RUNX1T1: variants seen among roughly 807,000 people sequenced by gnomAD.
The protein encoded by RUNX1T1 is RUNX1 partner transcriptional co-repressor 1.
RUNX1T1 carries 4 observed loss-of-function variants against 62.8 expected under a neutral mutation model. The observed-to-expected ratio is 0.06, with a 90% confidence interval of 0.03 to 0.15. The LOEUF is 0.15. Among genes scored for constraint, RUNX1T1 ranks in the 10% least tolerant of loss-of-function variants. The pLI, the probability that RUNX1T1 is intolerant of heterozygous loss-of-function variation, is 1.00. For synonymous variants in RUNX1T1, 291 were observed against 286.0 expected (o/e 1.02, Z -0.18); for missense variants, 508 against 754.3 (o/e 0.67, Z 3.82).
intron 2 of RUNX1T1, among the ~76,000 whole-genome samples, chr8:92,073,596 A>AT (rs1226107311): frequency 2.6e-5 from 4 of 152,126 alleles, no homozygotes; most frequent in Non-Finnish European, 5.9e-5. Context: ...AAAGTATGTG[A>AT]TTTCTGTTTT....
intron 1 of RUNX1T1, among the ~76,000 whole-genome samples, chr8:92,099,124 C>T (rs987691406): frequency 6.6e-6 from 1 of 152,094 alleles, no homozygotes; most frequent in South Asian, 2.1e-4. Flanking sequence ...TAAATAGAGT[C>T]AAATTTGATT....
chr8:92,032,068 G>A (rs1404974895), intron 1 of RUNX1T1, among the ~76,000 whole-genome samples: 1 of 145,402 alleles, frequency 6.9e-6, no homozygotes, highest in Non-Finnish European at 1.5e-5. Context: ...ACTCCAGCCT[G>A]GGCGGCAGAG....
intron 8 of RUNX1T1, 99 bp from the exon 10 acceptor site, chr8:91,976,072 G>A: frequency 1.2e-6 from 1 of 814,230 alleles, no homozygotes. Context: ...CCATTCTCCT[G>A]GCTTCTCTAC....
intron 2 of RUNX1T1, among the ~76,000 whole-genome samples, chr8:92,015,545 C>T (rs975038813): frequency 3.9e-5 from 6 of 151,996 alleles, no homozygotes; most frequent in Admixed American, 6.5e-5. Context: ...AACATCAAGA[C>T]GATAATCCCT....
upstream of RUNX1T1, among the ~76,000 whole-genome samples, chr8:92,063,295 T>C (rs1203129984): frequency 6.6e-6 from 1 of 152,132 alleles, no homozygotes; most frequent in Non-Finnish European, 1.5e-5. Context: ...GCCGACCACT[T>C]TTATTTTACT....
chr8:92,034,723 TAC>T (rs1392860152), intron 1 of RUNX1T1, among the ~76,000 whole-genome samples: 2 of 150,746 alleles, frequency 1.3e-5, no homozygotes, highest in African/African-American at 4.9e-5. Flanking sequence ...CACATATATA[TAC>T]ACACGTATAC....
At chr8:92,065,502 A>C (rs1412730670), upstream of RUNX1T1, among the ~76,000 whole-genome samples, 2 of 152,224 alleles carry the variant, frequency 1.3e-5, no homozygotes, top group African/African-American at 4.8e-5. Context: ...GAGTCATCTA[A>C]ATCAACACTT....
At chr8:92,095,301 C>T (rs906863153) in intron 1 of RUNX1T1, 2 of 1,522,848 alleles carry the variant, frequency 1.3e-6, no homozygotes, top group East Asian at 2.5e-5. Flanking sequence ...CCTGGCCACC[C>T]CTCCTTCCTC....
intron 1 of RUNX1T1, among the ~76,000 whole-genome samples, chr8:92,042,803 C>G (rs1003419137): frequency 6.6e-6 from 1 of 152,220 alleles, no homozygotes; most frequent in Non-Finnish European, 1.5e-5. Flanking sequence ...ATGATACACG[C>G]ACACACAAAG....
intron 1 of RUNX1T1, among the ~76,000 whole-genome samples, chr8:92,023,244 T>A (rs1349171099): frequency 6.6e-6 from 1 of 152,188 alleles, no homozygotes; most frequent in African/African-American, 2.4e-5. Context: ...AATTCTACTT[T>A]TCTTATCTAT....
At chr8:91,989,254 T>C (rs1477261234) in intron 6 of RUNX1T1, among the ~76,000 whole-genome samples, 1 of 152,196 alleles carries the variant, frequency 6.6e-6, no homozygotes, top group East Asian at 1.9e-4. Context: ...CCAGACTAAG[T>C]ATATCTTTAT....
chr8:92,028,792 A>G (rs1415921002), intron 1 of RUNX1T1, among the ~76,000 whole-genome samples: 1 of 152,234 alleles, frequency 6.6e-6, no homozygotes, highest in Non-Finnish European at 1.5e-5. Context: ...GCATGTTATC[A>G]CAAGGGCCCC....
chr8:92,062,445 G>T, intron 1 of RUNX1T1: 1 of 1,317,334 alleles, frequency 7.6e-7, no homozygotes, highest in Non-Finnish European at 1.1e-6. Flanking sequence ...GCCCACATCA[G>T]ATACAACACG....
At chr8:92,068,999 T>C (rs1346363105) in intron 2 of RUNX1T1, among the ~76,000 whole-genome samples, 2 of 152,218 alleles carry the variant, frequency 1.3e-5, no homozygotes, top group African/African-American at 2.4e-5. Context: ...ATCATCATCA[T>C]ACTTTGGCAT....
At chr8:91,984,586 T>C (rs1816143614) in intron 8 of RUNX1T1, among the ~76,000 whole-genome samples, 1 of 152,212 alleles carries the variant, frequency 6.6e-6, no homozygotes, top group African/African-American at 2.4e-5. Flanking sequence ...ACTGACTCAA[T>C]GAATGTGTTC....
intron 1 of RUNX1T1, chr8:92,095,773 G>A: frequency 2.8e-6 from 1 of 361,868 alleles, no homozygotes; most frequent in South Asian, 7.2e-5. Flanking sequence ...ATGAGAGGCA[G>A]GCTAGAAGTC....
intron 1 of RUNX1T1, among the ~76,000 whole-genome samples, chr8:92,077,931 G>T (rs1834675936): frequency 6.6e-6 from 1 of 152,086 alleles, no homozygotes; most frequent in African/African-American, 2.4e-5. Flanking sequence ...AATTAAAAAT[G>T]ATCTCTCAAT....
chr8:92,072,087 G>A (rs866377530), intron 2 of RUNX1T1, among the ~76,000 whole-genome samples: 16 of 152,208 alleles, frequency 1.1e-4, no homozygotes, highest in Middle Eastern at 3.4e-3. Context: ...TGTGTAAAAC[G>A]CTGGTATCTT....
intron 5 of RUNX1T1, among the ~76,000 whole-genome samples, chr8:91,992,548 T>C (rs910211418): frequency 3.3e-5 from 5 of 152,202 alleles, no homozygotes; most frequent in African/African-American, 9.7e-5. Flanking sequence ...CAGAAAGTTC[T>C]ATAGGAAAGT....
Sources: allele counts gnomAD v4.1 joint callset (sites outside exome capture counted in the v4.1 genomes callset), GRCh38; gene constraint gnomAD v4.1.1; transcripts MANE v1.5; gene names NCBI Gene and HGNC (gene_info 2026-07-23, HGNC 2026-07-21).